Variants in DUSP15 observed in about 807,000 individuals in gnomAD.
The protein encoded by DUSP15 is dual specificity protein phosphatase 15.
Under a neutral mutation model 26.3 loss-of-function variants are expected in DUSP15, and 23 were observed. That is an observed-to-expected ratio of 0.87 (90% CI 0.63 to 1.24). The LOEUF (loss-of-function observed/expected upper bound fraction) is 1.24, where lower values mean the gene tolerates loss of function less well. DUSP15 is among the 50% of genes most tolerant of loss of function. The probability of loss-of-function intolerance (pLI) is 0.00; values close to 1 mark genes in which losing one functional copy is unlikely to be tolerated. For missense variants in DUSP15, 364 were observed against 320.6 expected (o/e 1.14, Z -1.03); for synonymous variants, 143 against 135.5 (o/e 1.06, Z -0.39).
intron 5 of DUSP15, among the ~76,000 whole-genome samples, chr20:31,863,048 T>C (rs1011832870): frequency 2.0e-5 from 3 of 149,598 alleles, no homozygotes; most frequent in Non-Finnish European, 3.0e-5. Context: ...GGCATGGTCT[T>C]TGCTGTCCTG....
chr20:31,857,006 A>T (rs73903663), downstream of DUSP15, among the ~76,000 whole-genome samples: 2 of 152,152 alleles, frequency 1.3e-5, no homozygotes, highest in Non-Finnish European at 2.9e-5. Flanking sequence ...GAAGACAGTG[A>T]CATATGCTTA....
At chr20:31,863,883 C>A (rs765706007) in intron 5 of DUSP15, 24 bp downstream of exon 5, 1 of 1,611,292 alleles carries the variant, frequency 6.2e-7, no homozygotes, top group Admixed American at 1.7e-5. Flanking sequence ...CCTCCCCCAC[C>A]TTATCCCCCT....
chr20:31,849,937 A>G, intron 7 of DUSP15: 1 of 1,411,036 alleles, frequency 7.1e-7, no homozygotes, highest in Non-Finnish European at 9.2e-7. Flanking sequence ...TCGCCTTCTT[A>G]CCCTCCCCTT....
At chr20:31,865,993 C>T (rs1600478940) in intron 3 of DUSP15, among the ~76,000 whole-genome samples, 2 of 152,324 alleles carry the variant, frequency 1.3e-5, no homozygotes. Context: ...TACTCCCAAA[C>T]GAGGCTGCCC....
chr20:31,868,733 G>A (rs997872339), intron 2 of DUSP15, among the ~76,000 whole-genome samples: 6 of 152,182 alleles, frequency 3.9e-5, no homozygotes, highest in African/African-American at 9.6e-5. Context: ...GCCCGCCTCC[G>A]CCTCCCAAAG....
intron 6 of DUSP15, among the ~76,000 whole-genome samples, chr20:31,851,708 C>A (rs1423554176): frequency 6.6e-6 from 1 of 152,066 alleles, no homozygotes; most frequent in Non-Finnish European, 1.5e-5. Context: ...GGGTGACTTG[C>A]TGAGAGGTGA....
chr20:31,854,227 G>A (rs1352592713), intron 6 of DUSP15, among the ~76,000 whole-genome samples: 1 of 152,154 alleles, frequency 6.6e-6, no homozygotes, highest in Non-Finnish European at 1.5e-5. Context: ...AGAGACTCCA[G>A]GTCTTGTTGG....
downstream of DUSP15, among the ~76,000 whole-genome samples, chr20:31,846,478 A>AGAGAGAGGG (rs2062380388): frequency 1.6e-5 from 2 of 126,578 alleles, no homozygotes; most frequent in African/African-American, 6.3e-5. Flanking sequence ...GAGAGAGAGG[A>AGAGAGAGGG]GAGAGAGGCA....
chr20:31,861,990 G>T (rs887720901), intron 6 of DUSP15, among the ~76,000 whole-genome samples: 4 of 146,176 alleles, frequency 2.7e-5, no homozygotes, highest in African/African-American at 1.1e-4. Flanking sequence ...GCACTTCTGG[G>T]TAACTCCTCC....
chr20:31,849,979 C>G, intron 7 of DUSP15: 1 of 1,376,144 alleles, frequency 7.3e-7, no homozygotes, highest in East Asian at 2.8e-5. Context: ...GTCGTCCCAG[C>G]CTCTACCTCG....
intron 5 of DUSP15, among the ~76,000 whole-genome samples, chr20:31,862,988 C>T (rs1364267362): frequency 4.6e-5 from 7 of 152,134 alleles, no homozygotes; most frequent in Admixed American, 4.6e-4. Context: ...TAAATATGTC[C>T]TGAGCATCTG....
chr20:31,860,443 C>A (rs1223516505), downstream of DUSP15, among the ~76,000 whole-genome samples: 1 of 152,230 alleles, frequency 6.6e-6, no homozygotes, highest in Non-Finnish European at 1.5e-5. Flanking sequence ...GATGGGCAGC[C>A]CTGGCCTTTA....
chr20:31,848,520 C>T (rs944887784), exon 10 of DUSP15: 35 of 1,605,082 alleles, frequency 2.2e-5, no homozygotes, highest in African/African-American at 4.0e-5. Context: ...TCGGTTGAGG[C>T]ACTTAGAGTG....
chr20:31,856,138 G>T (rs966485789), downstream of DUSP15, among the ~76,000 whole-genome samples: 1 of 152,154 alleles, frequency 6.6e-6, no homozygotes, highest in Non-Finnish European at 1.5e-5. Flanking sequence ...AGGATGGTGG[G>T]AGCTGACCAG....
In DUSP15 at chr20:31,850,002, GCT is replaced by G. The variant is rs2062441543; in HGVS notation, c.492-130_492-129del. The G allele has an allele frequency of 3.6e-6, 4 of 1,109,066 alleles. No individual in the cohort carries two copies. The East Asian group carries it at 1.2e-4, about 32-fold the overall frequency. The allele number at this position is 1,109,066 out of a possible 1,614,324, so 68.7% of individuals were successfully genotyped here. A position where few individuals can be genotyped will look rare whatever the true frequency, so the allele number is the denominator to read the frequency against. ...AGCCTCTACCTCGGAAATTTTGGGTGCTCTCTCCCTATCAGTGATGATAAGAA... is the reference window on the plus strand; with the variant it reads ...AGCCTCTACCTCGGAAATTTTGGGTGCTCTCCCTATCAGTGATGATAAGAA... On this transcript the variant is annotated intron_variant, in intron 7 of 9. Transcript: ENST00000278979.
At chr20:31,848,626 TG>T in intron 9 of DUSP15, 1 of 1,491,278 alleles carries the variant, frequency 6.7e-7, no homozygotes. Flanking sequence ...GATGTTCCCA[TG>T]GGAAGTCACA....
intron 8 of DUSP15, among the ~76,000 whole-genome samples, chr20:31,849,345 A>G (rs972363204): frequency 2.6e-5 from 4 of 151,750 alleles, no homozygotes; most frequent in African/African-American, 9.7e-5. Context: ...TGGTGCCTGT[A>G]TTCTTTCCCA....
At chr20:31,854,243 T>A (rs989615530) in intron 6 of DUSP15, among the ~76,000 whole-genome samples, 1 of 152,188 alleles carries the variant, frequency 6.6e-6, no homozygotes, top group South Asian at 2.1e-4. Flanking sequence ...GTTGGAAACA[T>A]GGACACCAAA....
chr20:31,861,610 C>G lies in DUSP15; in HGVS notation c.501G>C (p.Ala167=), dbSNP rs1343566511. 4 of 1,487,470 alleles carry G rather than the reference C, an allele frequency of 2.7e-6. No homozygotes were observed. Among genetic ancestry groups the G allele is most frequent in the Admixed American group, 2.2e-5 (1 of 45,116 alleles). The allele number at this position is 1,487,470 out of a possible 1,614,324, so 92.1% of individuals were successfully genotyped here. Residue 167 remains alanine (A), a synonymous_variant, in exon 7 of 7, where the codon GCG becomes GCC. Transcript: ENST00000339738. ...SPFRDEEELR[A]LLPLCKRCRQ... ...GGCAGCGCTTGCACAGCGGCAGCAG[C>G]GCGCGCAACTCCTCCTCGTCGCGGA... is the stretch of plus-strand genomic sequence containing the variant.
Sources: allele counts gnomAD v4.1 joint callset (sites outside exome capture counted in the v4.1 genomes callset), GRCh38; gene constraint gnomAD v4.1.1; transcripts MANE v1.5; gene names NCBI Gene and HGNC (gene_info 2026-07-23, HGNC 2026-07-21).